The following SP110 variants were observed in gnomAD, a reference collection of about 807,000 sequenced individuals.
SP110 encodes the protein interferon-induced protein 41, 30kD.
SP110 carries 62 observed loss-of-function variants against 92.7 expected under a neutral mutation model. That is an observed-to-expected ratio of 0.67 (90% confidence interval 0.55 to 0.83). SP110 has a LOEUF of 0.83. Ranked by LOEUF, SP110 falls within the 40% of genes least tolerant of loss-of-function variation. The pLI is 0.00. For missense variants in SP110, 793 were observed against 863.9 expected (o/e 0.92, Z 1.03); for synonymous variants, 273 against 305.3 (o/e 0.89, Z 1.10).
intron 10 of SP110, among the ~76,000 whole-genome samples, chr2:230,192,777 T>C (rs1214675285): frequency 1.3e-5 from 2 of 152,176 alleles, no homozygotes; most frequent in Non-Finnish European, 2.9e-5. Context: ...TATTGAGACT[T>C]GTTTTGTGGC....
At chr2:230,197,560 T>C (rs1342182942) in intron 10 of SP110, among the ~76,000 whole-genome samples, 2 of 148,916 alleles carry the variant, frequency 1.3e-5, no homozygotes, top group Admixed American at 1.3e-4. Context: ...AGATCCCATT[T>C]GTCAATTTTG....
In SP110 at chr2:230,165,645, C is replaced by A. The variant is rs867242304; in HGVS notation, c.*3479G>T. Among the ~76,000 whole-genome samples, 1 of 151,626 alleles carries A rather than the reference C, an allele frequency of 6.6e-6. No homozygotes were observed. On this transcript the variant is annotated 3_prime_UTR_variant, in exon 19 of 19. Coordinates refer to ENST00000258381, the MANE Select transcript of SP110 (RefSeq NM_080424.4). ...GAGTGAAAAGACAGGAATAAGGGAG[C>A]TGAGAGGTATCAAAGTGATAAACGC...
chr2:230,214,026 A>G (rs746613311), intron 3 of SP110: 2 of 152,246 alleles, frequency 1.3e-5, no homozygotes, highest in Non-Finnish European at 2.9e-5. Flanking sequence ...TGATTCCACT[A>G]ATGAAAATAT....
rs774900609 is a variant in SP110 at position 230,178,192 on chromosome 2, G to A, written c.1412C>T (p.Ala471Val). The A allele has an allele frequency of 9.9e-6, 16 of 1,613,000 alleles. No homozygotes were observed. Among genetic ancestry groups the A allele is most frequent in the Middle Eastern group, 1.7e-4 (1 of 6,060 alleles). Residue 471 changes from alanine (A) to valine (V), a missense_variant, in exon 13 of 19, where the codon GCG (alanine) becomes GTG (valine). By Grantham distance (64) the Ala-to-Val change is moderately conservative. Coordinates refer to ENST00000258381, the MANE Select transcript of SP110 (RefSeq NM_080424.4). Reference sequence around the variant, plus strand: ...TTTCTTCTTATATAAAATCCCTTTCGCCTCACCACAGGTCACGGGGAGCTT... The same window carrying A: ...TTTCTTCTTATATAAAATCCCTTTCACCTCACCACAGGTCACGGGGAGCTT... The part of the protein sequence containing the change: ...CSKLPVTCGE[A>V]KGILYKKKMK...
intron 10 of SP110, among the ~76,000 whole-genome samples, chr2:230,189,378 A>G (rs1299690349): frequency 6.6e-6 from 1 of 152,078 alleles, no homozygotes; most frequent in East Asian, 1.9e-4. Flanking sequence ...TTGATAATTT[A>G]TGTCACTGTT....
intron 9 of SP110, 103 bp downstream of exon 9, chr2:230,202,476 C>A: frequency 9.2e-7 from 1 of 1,085,582 alleles, no homozygotes. Context: ...GTACTTTTTC[C>A]TTTTACTATT....
At chr2:230,171,530 CCT>C in intron 17 of SP110, 164 bp downstream of exon 17, 1 of 678,328 alleles carries the variant, frequency 1.5e-6, no homozygotes, top group East Asian at 2.7e-5. Flanking sequence ...CCAGGTAGTC[CCT>C]CTCCAGAGTG....
At position 230,200,841 on chromosome 2, in the gene SP110, T is replaced by A. The variant is rs550857501; in HGVS notation, c.1129+44A>T. On this transcript the variant is annotated intron_variant, in intron 10 of 18. Coordinates refer to ENST00000258381, the MANE Select transcript of SP110 (RefSeq NM_080424.4). ...AGTGTAAGACAGCTCTGAATTTAGA[T>A]TCCTGGTGACTGTACTCTGAGACCA... 7.2e-6 allele frequency: 10 copies of A among 1,398,456 alleles called. No homozygotes were observed. In the East Asian group the frequency reaches 2.1e-4, roughly 29 times the overall value. The allele number at this position is 1,398,456 out of a possible 1,614,324, so 86.6% of individuals were successfully genotyped here.
intron 14 of SP110, among the ~76,000 whole-genome samples, chr2:230,174,376 C>A (rs1413928512): frequency 3.3e-5 from 5 of 152,192 alleles, no homozygotes; most frequent in Non-Finnish European, 7.3e-5. Flanking sequence ...GCAAAATAAG[C>A]CCACTTTGAA....
At chr2:230,220,137 A>G (rs1223217382), upstream of SP110, 2 of 961,496 alleles carry the variant, frequency 2.1e-6, no homozygotes, top group Non-Finnish European at 2.5e-6. Context: ...ACGTCTTGGC[A>G]GTTGGGGTTT....
At chr2:230,184,712 T>A (rs1483399360) in intron 11 of SP110, among the ~76,000 whole-genome samples, 9 of 141,782 alleles carry the variant, frequency 6.3e-5, no homozygotes, top group African/African-American at 2.1e-4. Context: ...CAAAAAAAAA[T>A]GGCCAGTCTT....
chr2:230,181,778 C>T (rs972913699), intron 12 of SP110, among the ~76,000 whole-genome samples: 6 of 152,030 alleles, frequency 3.9e-5, no homozygotes, highest in Non-Finnish European at 5.9e-5. Flanking sequence ...GTCAGAATGG[C>T]GATTATTAAA....
chr2:230,189,775 T>C (rs2042526076), intron 10 of SP110, among the ~76,000 whole-genome samples: 1 of 152,204 alleles, frequency 6.6e-6, no homozygotes, highest in Admixed American at 6.5e-5. Context: ...CTCCCACTTA[T>C]GAGTGAGAAC....
chr2:230,224,503 G>C (rs2046097001), upstream of SP110, among the ~76,000 whole-genome samples: 1 of 150,748 alleles, frequency 6.6e-6, no homozygotes, highest in South Asian at 2.1e-4. Context: ...GGGAGACAGA[G>C]GAGAGAGAGG....
chr2:230,189,696 C>A (rs1455283096), intron 10 of SP110, among the ~76,000 whole-genome samples: 1 of 152,084 alleles, frequency 6.6e-6, no homozygotes, highest in Admixed American at 6.5e-5. Context: ...CTCCCCTCAC[C>A]ACCCACACCC....
At chr2:230,221,626 A>G (rs946177201), upstream of SP110, 12 of 1,351,850 alleles carry the variant, frequency 8.9e-6, no homozygotes, top group Middle Eastern at 3.7e-4. Context: ...GCATGCAGTA[A>G]CATACAGCGC....
At position 230,212,383 on chromosome 2, in the gene SP110, C is replaced by G; in HGVS notation, c.631G>C (p.Glu211Gln). 1 of 1,613,676 alleles carries G rather than the reference C, an allele frequency of 6.2e-7. No homozygotes were observed. Among genetic ancestry groups the G allele is most frequent in the Non-Finnish European group, 8.5e-7 (1 of 1,179,534 alleles). Reference sequence around the variant, plus strand: ...CTAGTGAGGAGGCTGGGCATCTCTTCTGAGTCTTCTTCCGCATTCATTTTG... The same window carrying G: ...CTAGTGAGGAGGCTGGGCATCTCTTGTGAGTCTTCTTCCGCATTCATTTTG... ...TSKMNAEEDS[E>Q]EMPSLLTSTV... The change falls in exon 5 of 19, where the codon GAA (glutamate) becomes CAA (glutamine). Residue 211 changes from glutamate (E) to glutamine (Q), a missense_variant. By Grantham distance (29) the Glu-to-Gln change is conservative. Coordinates refer to ENST00000258381, the MANE Select transcript of SP110 (RefSeq NM_080424.4).
rs377705679 is a variant in SP110, at chr2:230,201,001, G to C, written c.1049-36C>G. The C allele has an allele frequency of 8.6e-6, 13 of 1,507,258 alleles. No homozygotes were observed. In the African/African-American group the frequency reaches 1.5e-4, roughly 17 times the overall value. 93.4% of individuals were successfully genotyped at this position (1,507,258 alleles called of 1,614,324 possible). A position where few individuals can be genotyped will look rare whatever the true frequency, so the allele number is the denominator to read the frequency against. ...AAAGATCTTAGTAAATGCCCCTTGG[G>C]AAACACCATGGAGAATCTCCCAGAG... On this transcript the variant is annotated intron_variant, in intron 9 of 18. Coordinates refer to ENST00000258381, the MANE Select transcript of SP110 (RefSeq NM_080424.4).
rs1474398137 is a variant in SP110, at chr2:230,216,840, G to T, written c.88C>A (p.Pro30Thr). ...AGGAGGCCTTCAAAGAAGGGAAATG[G>T]CTTGTGTATGGCATAGGCGATCCCC... ...KLGIAYAIHK[P>T]FPFFEGLLDN... The change falls in exon 2 of 19, where the codon CCA (proline) becomes ACA (threonine). Residue 30 changes from proline to threonine, a missense_variant. Physicochemically the swap from Pro to Thr is conservative, Grantham distance 38. Coordinates refer to ENST00000258381, the MANE Select transcript of SP110 (RefSeq NM_080424.4). 3 of 1,614,078 alleles carry T rather than the reference G, an allele frequency of 1.9e-6. No homozygotes were observed. The highest frequency in any genetic ancestry group is 2.5e-6 in the Non-Finnish European group (3 of 1,179,950).
Sources: gnomAD v4.1 joint callset for allele counts (sites outside exome capture counted in the v4.1 genomes callset) on GRCh38, gnomAD v4.1.1 for gene constraint, MANE v1.5 for transcripts, NCBI Gene and HGNC (gene_info 2026-07-23, HGNC 2026-07-21) for gene names.